The following CDH18 variants were observed in gnomAD, a reference collection of about 807,000 sequenced individuals.
The protein encoded by CDH18 is cadherin 18.
A neutral mutation model predicts 67.9 loss-of-function variants in CDH18; 31 were observed. That is an observed-to-expected ratio of 0.46 (90% CI 0.34 to 0.62). CDH18 has a LOEUF of 0.62. Ranked by LOEUF, CDH18 falls within the 20% of genes least tolerant of loss-of-function variation. The probability of loss-of-function intolerance (pLI) is 0.01; values close to 1 mark genes in which losing one functional copy is unlikely to be tolerated. For missense variants in CDH18, 890 were observed against 975.5 expected (o/e 0.91, Z 1.17); for synonymous variants, 362 against 347.2 (o/e 1.04, Z -0.48).
chr5:19,818,397 GATT>G (rs896871543), intron 3 of CDH18, among the ~76,000 whole-genome samples: 3 of 152,052 alleles, frequency 2.0e-5, no homozygotes, highest in African/African-American at 7.2e-5. Flanking sequence ...TTTACAACAT[GATT>G]CATTCAGCAC....
intron 2 of CDH18, among the ~76,000 whole-genome samples, chr5:20,058,530 T>A (rs2150504622): frequency 6.6e-6 from 1 of 152,266 alleles, no homozygotes; most frequent in South Asian, 2.1e-4. Flanking sequence ...TCAGGCTGCA[T>A]CTATTGAAGG....
At chr5:19,926,202 T>C (rs1391815239) in intron 2 of CDH18, among the ~76,000 whole-genome samples, 1 of 152,220 alleles carries the variant, frequency 6.6e-6, no homozygotes, top group Non-Finnish European at 1.5e-5. Context: ...GGGTCAACTG[T>C]GTATTCACTA....
intron 2 of CDH18, among the ~76,000 whole-genome samples, chr5:19,935,101 C>G (rs945575184): frequency 7.9e-5 from 12 of 151,160 alleles, no homozygotes; most frequent in Admixed American, 3.3e-4. Flanking sequence ...TCATTGTTAG[C>G]TGACTCTTTG....
At chr5:19,934,927 A>C (rs1277095216) in intron 2 of CDH18, among the ~76,000 whole-genome samples, 1 of 151,308 alleles carries the variant, frequency 6.6e-6, no homozygotes, top group African/African-American at 2.4e-5. Flanking sequence ...AGAGGAAAAC[A>C]ATTGGATCCA....
At chr5:19,916,159 A>G (rs1467729814) in intron 2 of CDH18, among the ~76,000 whole-genome samples, 1 of 152,092 alleles carries the variant, frequency 6.6e-6, no homozygotes, top group Admixed American at 6.6e-5. Flanking sequence ...ATCAGATTCT[A>G]TCCTTCCTCA....
At chr5:20,387,552 C>A (rs1160481876) in intron 1 of CDH18, among the ~76,000 whole-genome samples, 1 of 151,866 alleles carries the variant, frequency 6.6e-6, no homozygotes, top group Non-Finnish European at 1.5e-5. Context: ...AATTGAATAC[C>A]CTTTATTTCT....
chr5:19,583,706 A>T (rs1203538523), intron 7 of CDH18, among the ~76,000 whole-genome samples: 1 of 152,190 alleles, frequency 6.6e-6, no homozygotes, highest in Non-Finnish European at 1.5e-5. Flanking sequence ...AGACAGACAT[A>T]GCTTAGAGCA....
At chr5:19,728,649 T>C (rs1032237769) in intron 4 of CDH18, among the ~76,000 whole-genome samples, 3 of 152,162 alleles carry the variant, frequency 2.0e-5, no homozygotes, top group Admixed American at 2.0e-4. Context: ...TTGAAATATT[T>C]AATAAGGCAT....
chr5:19,818,972 C>T (rs1011867027), intron 3 of CDH18, among the ~76,000 whole-genome samples: 11 of 151,786 alleles, frequency 7.2e-5, no homozygotes, highest in East Asian at 1.9e-4. Flanking sequence ...TATATCCCTC[C>T]GCTAGTTTGG....
intron 2 of CDH18, among the ~76,000 whole-genome samples, chr5:20,082,810 A>G (rs918373237): frequency 3.3e-5 from 5 of 152,230 alleles, no homozygotes; most frequent in African/African-American, 1.2e-4. Context: ...CACATGGAGA[A>G]TGTTATCTGC....
At position 19,623,589 on chromosome 5, in the gene CDH18, TTTTTTGG is replaced by T. The variant is rs1195040337; in HGVS notation, c.644-10995_644-10989del. The stretch of plus-strand genomic sequence containing the variant: ...GGCATATTTTTATCTTATTCTGCTT[TTTTTTGG>T]TTTTTGCTTTGATGGTTTAAATGAG... On this transcript the variant is annotated intron_variant, in intron 5 of 12. Coordinates refer to ENST00000382275, the MANE Select transcript of CDH18 (RefSeq NM_004934.5). 7.2e-5 allele frequency among the ~76,000 whole-genome samples: 11 copies of T among 152,170 alleles called. No homozygotes were observed. In the East Asian group the frequency reaches 2.1e-3, roughly 29 times the overall value.
At chr5:19,960,288 C>T (rs1467441966) in intron 2 of CDH18, among the ~76,000 whole-genome samples, 1 of 151,850 alleles carries the variant, frequency 6.6e-6, no homozygotes, top group East Asian at 1.9e-4. Flanking sequence ...CTTTCTTTAT[C>T]TCTTTATTCT....
chr5:20,386,876 C>T (rs545011886), intron 1 of CDH18, among the ~76,000 whole-genome samples: 1 of 152,188 alleles, frequency 6.6e-6, no homozygotes, highest in South Asian at 2.1e-4. Context: ...TCATTGTCTT[C>T]TCTCTGTCTC....
intron 1 of CDH18, among the ~76,000 whole-genome samples, chr5:20,369,297 GACA>G (rs965288313): frequency 9.2e-5 from 14 of 152,230 alleles, no homozygotes; most frequent in African/African-American, 3.1e-4. Flanking sequence ...GCAAGAAGCT[GACA>G]ACATTTGTCT....
intron 1 of CDH18, among the ~76,000 whole-genome samples, chr5:20,388,052 G>A (rs1454426669): frequency 6.6e-6 from 1 of 152,076 alleles, no homozygotes; most frequent in African/African-American, 2.4e-5. Context: ...TCTCTGCCAG[G>A]CTTTGGTATC....
At chr5:19,875,892 G>A (rs1034333956) in intron 2 of CDH18, among the ~76,000 whole-genome samples, 4 of 51,298 alleles carry the variant, frequency 7.8e-5, no homozygotes, top group Non-Finnish European at 2.9e-4. Flanking sequence ...TTTTTTAATT[G>A]TAACTTTTTT....
intron 1 of CDH18, among the ~76,000 whole-genome samples, chr5:20,442,980 C>T (rs1581007256): frequency 6.6e-6 from 1 of 151,296 alleles, no homozygotes; most frequent in Admixed American, 6.6e-5. Flanking sequence ...GAGGCCGAGG[C>T]GGGCGGATCA....
intron 2 of CDH18, among the ~76,000 whole-genome samples, chr5:20,063,590 TA>T (rs1259373632): frequency 3.3e-5 from 5 of 152,236 alleles, no homozygotes; most frequent in African/African-American, 9.6e-5. Context: ...TCAGAAATTG[TA>T]ATCAGTTGTT....
chr5:20,352,421 A>G (rs1053602848), intron 1 of CDH18, among the ~76,000 whole-genome samples: 2 of 152,072 alleles, frequency 1.3e-5, no homozygotes, highest in African/African-American at 4.8e-5. Flanking sequence ...CCAGCACCCC[A>G]AATCTTGGTT....
Sources: allele counts gnomAD v4.1 joint callset (sites outside exome capture counted in the v4.1 genomes callset), GRCh38; gene constraint gnomAD v4.1.1; transcripts MANE v1.5; gene names NCBI Gene and HGNC (gene_info 2026-07-23, HGNC 2026-07-21).